KCNT2: variants seen among roughly 807,000 people sequenced by gnomAD.
KCNT2 encodes the protein potassium sodium-activated channel subfamily T member 2.
Under a neutral mutation model 153.8 loss-of-function variants are expected in KCNT2, and 67 were observed. The observed-to-expected ratio is 0.44, with a 90% CI of 0.36 to 0.53. The LOEUF is 0.53. KCNT2 is among the 20% of genes least tolerant of loss of function. The pLI is 0.00. For missense variants in KCNT2, 975 were observed against 1,354.8 expected (o/e 0.72, Z 4.40); for synonymous variants, 500 against 458.8 (o/e 1.09, Z -1.15).
intron 21 of KCNT2, among the ~76,000 whole-genome samples, chr1:196,311,245 A>G (rs1234513288): frequency 2.0e-5 from 3 of 151,820 alleles, no homozygotes; most frequent in Non-Finnish European, 2.9e-5. Flanking sequence ...TTAGTATTCA[A>G]AGGCCACCAG....
At chr1:196,506,834 C>G (rs936337616) in intron 1 of KCNT2, among the ~76,000 whole-genome samples, 12 of 152,076 alleles carry the variant, frequency 7.9e-5, no homozygotes, top group Admixed American at 7.9e-4. Context: ...AGGGAGCTTT[C>G]CCACACCTGC....
At chr1:196,304,880 T>C (rs1661488769) in intron 22 of KCNT2, among the ~76,000 whole-genome samples, 1 of 152,160 alleles carries the variant, frequency 6.6e-6, no homozygotes, top group African/African-American at 2.4e-5. Context: ...AGCAATAAAC[T>C]TAGCTTTATG....
intron 14 of KCNT2, among the ~76,000 whole-genome samples, chr1:196,365,630 T>A (rs1475571691): frequency 6.6e-6 from 1 of 152,208 alleles, no homozygotes; most frequent in Non-Finnish European, 1.5e-5. Flanking sequence ...TAAATAAAAT[T>A]ATGAACATTT....
At chr1:196,315,281 T>G (rs1662596531) in intron 21 of KCNT2, among the ~76,000 whole-genome samples, 2 of 151,708 alleles carry the variant, frequency 1.3e-5, no homozygotes, top group Non-Finnish European at 3.0e-5. Flanking sequence ...AACAGATGCC[T>G]TGAATGACAG....
intron 23 of KCNT2, among the ~76,000 whole-genome samples, chr1:196,283,629 T>A (rs1659337228): frequency 6.6e-6 from 1 of 152,098 alleles, no homozygotes; most frequent in Admixed American, 6.5e-5. Context: ...TAATTCCCAA[T>A]CATTCAAGAA....
intron 14 of KCNT2, among the ~76,000 whole-genome samples, chr1:196,368,445 C>T (rs980551792): frequency 6.6e-6 from 1 of 152,066 alleles, no homozygotes; most frequent in African/African-American, 2.4e-5. Context: ...TTTCTTTCTT[C>T]GATTAATGAA....
chr1:196,586,245 T>G (rs893068802), intron 1 of KCNT2, among the ~76,000 whole-genome samples: 1 of 152,116 alleles, frequency 6.6e-6, no homozygotes, highest in Non-Finnish European at 1.5e-5. Flanking sequence ...ACCTGGGTAA[T>G]AGAGTGAGAC....
chr1:196,295,674 G>A (rs1459876640), intron 22 of KCNT2, among the ~76,000 whole-genome samples: 1 of 151,804 alleles, frequency 6.6e-6, no homozygotes, highest in Non-Finnish European at 1.5e-5. Flanking sequence ...TAGGTTTTGA[G>A]TAAGGCAAAA....
At chr1:196,250,017 A>T (rs912045126) in intron 26 of KCNT2, among the ~76,000 whole-genome samples, 1 of 152,168 alleles carries the variant, frequency 6.6e-6, no homozygotes, top group African/African-American at 2.4e-5. Context: ...TAAAATGCCC[A>T]TACTATCCAA....
chr1:196,266,049 A>C (rs1170905566), intron 25 of KCNT2, among the ~76,000 whole-genome samples: 1 of 152,224 alleles, frequency 6.6e-6, no homozygotes, highest in East Asian at 1.9e-4. Flanking sequence ...AGGAGGAAGA[A>C]GCAGAAAACT....
intron 14 of KCNT2, among the ~76,000 whole-genome samples, chr1:196,363,347 G>A (rs1667782307): frequency 1.3e-5 from 2 of 151,930 alleles, no homozygotes; most frequent in Admixed American, 1.3e-4. Flanking sequence ...ACATTTTTCA[G>A]GCTTATCTTG....
At chr1:196,454,276 T>C (rs973897268) in intron 8 of KCNT2, among the ~76,000 whole-genome samples, 5 of 151,956 alleles carry the variant, frequency 3.3e-5, no homozygotes, top group African/African-American at 1.2e-4. Flanking sequence ...ATGACATAGA[T>C]ATAGTGCATG....
At chr1:196,234,748 A>G (rs970703709) in intron 27 of KCNT2, among the ~76,000 whole-genome samples, 6 of 151,524 alleles carry the variant, frequency 4.0e-5, no homozygotes, top group African/African-American at 1.4e-4. Flanking sequence ...TATGCTCAGC[A>G]TAACAAAATG....
intron 6 of KCNT2, 90 bp downstream of exon 6, chr1:196,468,904 G>T (rs552957865): frequency 2.7e-6 from 2 of 752,934 alleles, no homozygotes; most frequent in East Asian, 2.7e-5. Flanking sequence ...ATTTATCTTA[G>T]CTACCATATT....
intron 17 of KCNT2, 129 bp from the exon 18 acceptor site, chr1:196,331,390 A>G (rs1407146239): frequency 3.1e-6 from 2 of 641,138 alleles, no homozygotes; most frequent in Non-Finnish European, 5.7e-6. Flanking sequence ...ATTTTGATAA[A>G]GAGGTAGTTA....
chr1:196,589,654 C>T (rs1409888689), intron 1 of KCNT2, among the ~76,000 whole-genome samples: 1 of 151,996 alleles, frequency 6.6e-6, no homozygotes, highest in Non-Finnish European at 1.5e-5. Flanking sequence ...GTATTTGTGA[C>T]ATTTATTCAT....
chr1:196,589,947 G>A (rs187578407), intron 1 of KCNT2, among the ~76,000 whole-genome samples: 79 of 152,104 alleles, frequency 5.2e-4, no homozygotes, highest in African/African-American at 1.9e-3. Context: ...TCCAACACCA[G>A]AGAACACATT....
chr1:196,303,014 TAA>T (rs772323541), intron 22 of KCNT2, among the ~76,000 whole-genome samples: 24 of 143,612 alleles, frequency 1.7e-4, no homozygotes, highest in African/African-American at 3.8e-4. Flanking sequence ...ATGCAAATCT[TAA>T]AAAAAAAAAA....
intron 3 of KCNT2, among the ~76,000 whole-genome samples, chr1:196,483,769 C>T (rs1162465813): frequency 6.6e-6 from 1 of 152,080 alleles, no homozygotes. Flanking sequence ...ATATGTGTTT[C>T]TTTAATGGCT....
Sources: gnomAD v4.1 joint callset for allele counts (sites outside exome capture counted in the v4.1 genomes callset) on GRCh38, gnomAD v4.1.1 for gene constraint, MANE v1.5 for transcripts, NCBI Gene and HGNC (gene_info 2026-07-23, HGNC 2026-07-21) for gene names.